The following PDE9A variants were observed in gnomAD, a reference collection of about 807,000 sequenced individuals.
PDE9A encodes the protein phosphodiesterase 9A.
In PDE9A, 60 loss-of-function variants were observed where a neutral mutation model predicts 87.4. That is an observed-to-expected ratio of 0.69 (90% CI 0.56 to 0.85). PDE9A has a LOEUF of 0.85. Among genes scored for constraint, PDE9A ranks in the 40% least tolerant of loss-of-function variants. The pLI is 0.00. For missense variants in PDE9A, 665 were observed against 779.0 expected (o/e 0.85, Z 1.74); for synonymous variants, 272 against 279.4 (o/e 0.97, Z 0.27).
chr21:42,677,464 G>A (rs904944929), intron 1 of PDE9A, among the ~76,000 whole-genome samples: 9 of 152,244 alleles, frequency 5.9e-5, no homozygotes, highest in East Asian at 3.9e-4. Context: ...TCATCTCTCC[G>A]GTGAAAAAGA....
At chr21:42,761,129 G>T (rs1349355198) in intron 13 of PDE9A, among the ~76,000 whole-genome samples, 1 of 152,210 alleles carries the variant, frequency 6.6e-6, no homozygotes, top group East Asian at 1.9e-4. Context: ...AACCCCAGGG[G>T]CTCTTTCCCA....
intron 1 of PDE9A, among the ~76,000 whole-genome samples, chr21:42,662,646 CCACACCATGCACACA>C (rs1365849357): frequency 1.5e-5 from 2 of 134,608 alleles, no homozygotes. Flanking sequence ...CACGCACATC[CCACACCATGCACACA>C]CACACCACGC....
chr21:42,688,529 A>G (rs968311144), intron 3 of PDE9A, among the ~76,000 whole-genome samples: 12 of 152,176 alleles, frequency 7.9e-5, no homozygotes, highest in African/African-American at 2.9e-4. Context: ...CCAGCGGTGT[A>G]TGGCCCAGGA....
At chr21:42,754,439 A>G (rs2054804445) in intron 10 of PDE9A, among the ~76,000 whole-genome samples, 1 of 152,196 alleles carries the variant, frequency 6.6e-6, no homozygotes, top group Non-Finnish European at 1.5e-5. Flanking sequence ...ATCTCTCCTC[A>G]AGGAAGGGGC....
chr21:42,689,609 G>A (rs2059676693), intron 3 of PDE9A: 2 of 985,330 alleles, frequency 2.0e-6, no homozygotes, highest in South Asian at 9.4e-5. Flanking sequence ...ATTTGAAACA[G>A]CGTGCAGAGA....
chr21:42,705,130 C>T lies in PDE9A; in HGVS notation c.262+6119C>T, dbSNP rs2048713341. Among the ~76,000 whole-genome samples the T allele has an allele frequency of 6.6e-6, 1 of 152,152 alleles. No homozygotes were observed. Among genetic ancestry groups the T allele is most frequent in the African/African-American group, 2.4e-5 (1 of 41,436 alleles). On this transcript the variant is annotated intron_variant, in intron 4 of 19. Transcript: ENST00000291539. This position sits in a 1 kb window ranked among gnomAD's most constrained non-coding sequence, Gnocchi z 4.3. ...AGAGTAGAAGGAATGGCCCCGTCCA[C>T]GCGAAGGTCTGTGTTCACCAAGCAT...
At chr21:42,774,903 T>G (rs2057368141) in intron 19 of PDE9A, among the ~76,000 whole-genome samples, 1 of 146,052 alleles carries the variant, frequency 6.8e-6, no homozygotes, top group Admixed American at 6.8e-5. Context: ...AAAAAGTCTG[T>G]GTATAATCCT....
rs376574191 is a variant in PDE9A at position 42,698,983 on chromosome 21, G to A, written c.234G>A (p.Val78=). ...TCTTTTGCAGCACTCCGTACAAAGT[G>A]AGACCTGTGGCCATCAAGCAACTCT... ...PANSERTPYK[V]RPVAIKQLSA... The change falls in exon 4 of 20, where the codon GTG becomes GTA. Residue 78 remains valine, a synonymous_variant. Transcript: ENST00000291539. 3.1e-6 allele frequency: 5 copies of A among 1,613,314 alleles called. No individual in the cohort carries two copies. The highest frequency in any genetic ancestry group is 1.7e-5 in the Admixed American group (1 of 60,022).
At chr21:42,657,374 GGGA>G (rs2057158837) in intron 1 of PDE9A, among the ~76,000 whole-genome samples, 1 of 152,238 alleles carries the variant, frequency 6.6e-6, no homozygotes, top group Admixed American at 6.5e-5. Context: ...GTTAAAGAAG[GGGA>G]GAGGTGGAAG....
rs2146382100 is a variant in PDE9A, at chr21:42,704,639, C to T, written c.262+5628C>T. Among the ~76,000 whole-genome samples the T allele has an allele frequency of 6.6e-6, 1 of 152,320 alleles. No homozygotes were observed. The highest frequency in any genetic ancestry group is 2.4e-5 in the African/African-American group (1 of 41,572). ...CAGGAGTTAGCTCTAGCGACGCCGCCCTGAGTTCTGGCCTGTAAGCAACCC... is the reference window on the plus strand; with the variant it reads ...CAGGAGTTAGCTCTAGCGACGCCGCTCTGAGTTCTGGCCTGTAAGCAACCC... On this transcript the variant is annotated intron_variant, in intron 4 of 19. Coordinates refer to ENST00000291539, the MANE Select transcript of PDE9A (RefSeq NM_002606.3). This position sits in a 1 kb window ranked among gnomAD's most constrained non-coding sequence, Gnocchi z 5.3.
Position 42,732,051 on chromosome 21 carries a change from T to C in PDE9A, c.443-19T>C, listed in dbSNP as rs935563991. On this transcript the variant is annotated intron_variant, in intron 5 of 19. Transcript: ENST00000291539. ...TCCTCTTGTCCGTGTTCCATCTGTC[T>C]TTCTTCTTTGGTTTGTAGAGAGAGA... 3 of 1,614,022 alleles carry C rather than the reference T, an allele frequency of 1.9e-6. No homozygotes were observed. The highest frequency in any genetic ancestry group is 1.7e-6 in the Non-Finnish European group (2 of 1,179,838).
rs529460430 is a variant in PDE9A at position 42,740,025 on chromosome 21, T to C, written c.569-3751T>C. 6.6e-5 allele frequency among the ~76,000 whole-genome samples: 10 copies of C among 152,268 alleles called. No individual in the cohort carries two copies. In the East Asian group the frequency reaches 1.7e-3, roughly 26 times the overall value. ...AAGTTAGAAAACAACAAATTTTATCTTTTAAAATTAATAATAGATATATAG... is the reference window on the plus strand; with the variant it reads ...AAGTTAGAAAACAACAAATTTTATCCTTTAAAATTAATAATAGATATATAG... On this transcript the variant is annotated intron_variant, in intron 7 of 19. Coordinates refer to ENST00000291539, the MANE Select transcript of PDE9A (RefSeq NM_002606.3).
intron 1 of PDE9A, among the ~76,000 whole-genome samples, chr21:42,664,740 C>T (rs2057843889): frequency 6.6e-6 from 1 of 152,212 alleles, no homozygotes; most frequent in African/African-American, 2.4e-5. Context: ...CCCCCATCAC[C>T]AACTTCACTC....
At chr21:42,734,364 C>T (rs368143443) in intron 7 of PDE9A, 1 of 152,240 alleles carries the variant, frequency 6.6e-6, no homozygotes, top group South Asian at 2.1e-4. Context: ...ATATCAAGAT[C>T]AATGCTTGAA....
At chr21:42,667,139 C>T (rs2058059192) in intron 1 of PDE9A, among the ~76,000 whole-genome samples, 2 of 152,226 alleles carry the variant, frequency 1.3e-5, no homozygotes, top group African/African-American at 4.8e-5. Flanking sequence ...CAGCAAACAA[C>T]CCCAACATGC....
rs1042495288 is a variant in PDE9A at position 42,722,437 on chromosome 21, G to A, written c.263-9333G>A. 2.0e-5 allele frequency among the ~76,000 whole-genome samples: 3 copies of A among 152,166 alleles called. No homozygotes were observed. The highest frequency in any genetic ancestry group is 3.8e-4 in the East Asian group (2 of 5,196). On this transcript the variant is annotated intron_variant, in intron 4 of 19. Transcript: ENST00000291539. The surrounding 1 kb of genome is among the most constrained non-coding windows in gnomAD (Gnocchi z 4.1). ...ATGCAAATCTAAGCCCAGTGATGCC[G>A]TGCAATGGCTACGATCAAGGGCAAT...
chr21:42,685,267 G>GCTAACC (rs2059390619), intron 1 of PDE9A, among the ~76,000 whole-genome samples: 2 of 152,266 alleles, frequency 1.3e-5, no homozygotes, highest in South Asian at 4.1e-4. Context: ...AGATGCGGAT[G>GCTAACC]CTAACCCGGC....
chr21:42,681,638 T>C (rs1317455840), intron 1 of PDE9A, among the ~76,000 whole-genome samples: 3 of 152,168 alleles, frequency 2.0e-5, no homozygotes, highest in Non-Finnish European at 4.4e-5. Flanking sequence ...AGCCGCCCTC[T>C]GTCTCATCAT....
intron 4 of PDE9A, among the ~76,000 whole-genome samples, chr21:42,715,178 T>C (rs544601737): frequency 2.0e-5 from 3 of 148,120 alleles, no homozygotes; most frequent in East Asian, 4.1e-4. Flanking sequence ...TGTTACAATA[T>C]GCATCTTTAC....
Sources: gnomAD v4.1 joint callset for allele counts (sites outside exome capture counted in the v4.1 genomes callset) on GRCh38, gnomAD v4.1.1 for gene constraint, Gnocchi (gnomAD v3.1) non-coding constraint, MANE v1.5 for transcripts, NCBI Gene and HGNC (gene_info 2026-07-23, HGNC 2026-07-21) for gene names.